Variants in FGF12 observed in about 807,000 individuals in gnomAD.
FGF12 encodes fibroblast growth factor 12, also known as fibroblast growth factor 12B.
A neutral mutation model predicts 23.6 loss-of-function variants in FGF12; 14 were observed. The observed-to-expected ratio is 0.59, with a 90% CI of 0.39 to 0.93. The LOEUF (loss-of-function observed/expected upper bound fraction) is 0.93. FGF12 is among the 40% of genes least tolerant of loss of function. The probability of loss-of-function intolerance (pLI) is 0.00; values close to 1 mark genes in which losing one functional copy is unlikely to be tolerated. For synonymous variants in FGF12, 62 were observed against 77.3 expected (o/e 0.80, Z 1.04); for missense variants, 175 against 217.8 (o/e 0.80, Z 1.24).
chr3:192,672,401 T>C (rs1486393305), intron 2 of FGF12, among the ~76,000 whole-genome samples: 1 of 151,096 alleles, frequency 6.6e-6, no homozygotes, highest in Non-Finnish European at 1.5e-5. Flanking sequence ...TCCAAGTAGA[T>C]GAACACACAT....
chr3:192,375,262 T>C (rs1719432107), intron 2 of FGF12, among the ~76,000 whole-genome samples: 1 of 152,208 alleles, frequency 6.6e-6, no homozygotes, highest in Non-Finnish European at 1.5e-5. Context: ...ATTTCTATCA[T>C]CTTCGTTTGT....
chr3:192,604,609 A>G (rs1268090318), intron 2 of FGF12, among the ~76,000 whole-genome samples: 2 of 152,182 alleles, frequency 1.3e-5, no homozygotes, highest in African/African-American at 4.8e-5. Context: ...AAGAATCAAT[A>G]TTGTTAAAAT....
Position 192,139,467 on chromosome 3 carries a change from T to A in FGF12, c.*4542A>T, listed in dbSNP as rs563546923. 2.6e-5 allele frequency: 4 copies of A among 152,286 alleles called. No individual in the cohort carries two copies. In the South Asian group the frequency reaches 8.3e-4, roughly 32 times the overall value. 9.4% of individuals were successfully genotyped at this position (152,286 alleles called of 1,614,324 possible). ...CTCATACAACATGTTTACTAAACAT[T>A]TCAGTGTCAATAATTTCTTAAGATT... On this transcript the variant is annotated 3_prime_UTR_variant, in exon 6 of 6. Coordinates refer to ENST00000445105, the MANE Select transcript of FGF12 (RefSeq NM_004113.6).
chr3:192,243,013 A>G (rs550796814), intron 4 of FGF12, among the ~76,000 whole-genome samples: 1 of 152,216 alleles, frequency 6.6e-6, no homozygotes, highest in South Asian at 2.1e-4. Context: ...ATAGAAGATC[A>G]TGGTGGAAAA....
chr3:192,292,931 A>G (rs1437245502), intron 4 of FGF12, among the ~76,000 whole-genome samples: 2 of 151,954 alleles, frequency 1.3e-5, no homozygotes, highest in Non-Finnish European at 2.9e-5. Flanking sequence ...GGCATGTACC[A>G]CTATGTCCAG....
intron 4 of FGF12, among the ~76,000 whole-genome samples, chr3:192,174,076 C>A (rs1329637281): frequency 6.6e-6 from 1 of 152,222 alleles, no homozygotes; most frequent in African/African-American, 2.4e-5. Flanking sequence ...ATACGCAATC[C>A]TGCTTTTGAT....
intron 4 of FGF12, among the ~76,000 whole-genome samples, chr3:192,191,767 T>G (rs1577220861): frequency 6.8e-6 from 1 of 146,860 alleles, no homozygotes; most frequent in Non-Finnish European, 1.5e-5. Flanking sequence ...ACCCGGGAGG[T>G]GGAGCTTGCA....
intron 2 of FGF12, among the ~76,000 whole-genome samples, chr3:192,518,576 G>A (rs1334891275): frequency 6.6e-6 from 1 of 152,128 alleles, no homozygotes; most frequent in Admixed American, 6.5e-5. Context: ...ATCATGCCAG[G>A]TTGCAAAACT....
At chr3:192,293,905 G>A (rs1714893734) in intron 4 of FGF12, among the ~76,000 whole-genome samples, 1 of 152,200 alleles carries the variant, frequency 6.6e-6, no homozygotes, top group Non-Finnish European at 1.5e-5. Context: ...TGCTCTTCTG[G>A]TCGATAGATG....
chr3:192,396,035 A>G (rs1560098390), intron 2 of FGF12, among the ~76,000 whole-genome samples: 1 of 152,228 alleles, frequency 6.6e-6, no homozygotes. Context: ...GCCTATTCAT[A>G]TTGATGATAC....
At chr3:192,291,608 A>G (rs1714763270) in intron 4 of FGF12, among the ~76,000 whole-genome samples, 1 of 151,946 alleles carries the variant, frequency 6.6e-6, no homozygotes, top group Admixed American at 6.6e-5. Flanking sequence ...AAAAATTACC[A>G]TGGCCAGAGG....
At chr3:192,464,630 A>T (rs868521530) in intron 2 of FGF12, among the ~76,000 whole-genome samples, 9 of 151,918 alleles carry the variant, frequency 5.9e-5, no homozygotes, top group African/African-American at 1.9e-4. Flanking sequence ...AATGACATGC[A>T]TGTGCAAGTC....
chr3:192,331,904 T>G (rs1717142449), intron 4 of FGF12, among the ~76,000 whole-genome samples: 1 of 152,050 alleles, frequency 6.6e-6, no homozygotes, highest in South Asian at 2.1e-4. Context: ...TATAACTACC[T>G]TAACTGCAAT....
chr3:192,338,727 A>G (rs1003134524), intron 3 of FGF12, among the ~76,000 whole-genome samples: 4 of 152,234 alleles, frequency 2.6e-5, no homozygotes, highest in South Asian at 4.1e-4. Flanking sequence ...TCTGGCTTTT[A>G]CGTGAGAAAA....
chr3:192,588,162 G>A (rs1004791369), intron 2 of FGF12, among the ~76,000 whole-genome samples: 43 of 151,038 alleles, frequency 2.8e-4, no homozygotes, highest in African/African-American at 1.0e-3. Context: ...TGGCTAACAC[G>A]GTGAAACCCC....
At chr3:192,192,555 T>C (rs1267765261) in intron 4 of FGF12, among the ~76,000 whole-genome samples, 1 of 150,354 alleles carries the variant, frequency 6.7e-6, no homozygotes, top group Non-Finnish European at 1.5e-5. Flanking sequence ...AGACAGATCT[T>C]CGCACTTGAA....
Position 192,264,358 on chromosome 3 carries a change from C to T in FGF12, c.228+71003G>A, listed in dbSNP as rs190744465. The stretch of plus-strand genomic sequence containing the variant: ...GCCTGGGTATATCATATTTTTTTGA[C>T]GATATTGATGAACAAAAATAAGAGA... On this transcript the variant is annotated intron_variant, in intron 4 of 5. Transcript: ENST00000445105. Among the ~76,000 whole-genome samples, 725 of 151,698 alleles carry T rather than the reference C, an allele frequency of 4.8e-3. 3 individuals carry two copies. Among genetic ancestry groups the T allele is most frequent in the Middle Eastern group, 0.017 (5 of 292 alleles).
At chr3:192,258,787 A>G (rs1019386012) in intron 4 of FGF12, among the ~76,000 whole-genome samples, 51 of 152,296 alleles carry the variant, frequency 3.3e-4, no homozygotes, top group African/African-American at 1.1e-3. Flanking sequence ...TTCCACATAA[A>G]GAGAAAGAAA....
intron 2 of FGF12, among the ~76,000 whole-genome samples, chr3:192,716,434 A>C (rs550576183): frequency 7.7e-4 from 117 of 152,346 alleles, no homozygotes; most frequent in African/African-American, 2.8e-3. Context: ...CAGTATAGGA[A>C]TCAATTGATG....
Sources: gnomAD v4.1 joint callset for allele counts (sites outside exome capture counted in the v4.1 genomes callset) on GRCh38, gnomAD v4.1.1 for gene constraint, MANE v1.5 for transcripts, NCBI Gene and HGNC (gene_info 2026-07-23, HGNC 2026-07-21) for gene names.